The following TENM1 variants were observed in gnomAD, a reference collection of about 807,000 sequenced individuals.
TENM1 encodes the protein teneurin transmembrane protein 1.
Under a neutral mutation model 174.8 loss-of-function variants are expected in TENM1, and 35 were observed. The observed-to-expected ratio is 0.20, with a 90% CI of 0.15 to 0.27. The LOEUF (loss-of-function observed/expected upper bound fraction) is 0.27, where lower values mean the gene tolerates loss of function less well. Among genes scored for constraint, TENM1 ranks in the 10% least tolerant of loss-of-function variants. The probability of loss-of-function intolerance (pLI) is 1.00; values close to 1 mark genes in which losing one functional copy is unlikely to be tolerated. For missense variants in TENM1, 1,633 were observed against 2,130.1 expected, an observed-to-expected ratio of 0.77 and a Z score of 4.59; for synonymous variants, 781 against 798.7, an observed-to-expected ratio of 0.98 and a Z score of 0.37.
chrX:124,842,401 C>T (rs1461705197), intron 3 of TENM1, among the ~76,000 whole-genome samples: 2 of 111,517 alleles, frequency 1.8e-5, no homozygotes, highest in Admixed American at 9.5e-5. Flanking sequence ...GCAGCAGGTT[C>T]CTTTGCTGAT....
intron 4 of TENM1, among the ~76,000 whole-genome samples, chrX:124,724,538 G>A (rs368909585): frequency 2.7e-5 from 3 of 112,069 alleles, no homozygotes; most frequent in Non-Finnish European, 5.6e-5. Context: ...GCTCACGCCT[G>A]TAATCCCAGC....
Position 124,519,789 on chromosome X carries a change from G to T in TENM1, c.3301+728C>A, listed in dbSNP as rs762991819. Among the ~76,000 whole-genome samples, 66 of 111,243 alleles carry T rather than the reference G, an allele frequency of 5.9e-4. 1 individual carries two copies. Among genetic ancestry groups the T allele is most frequent in the African/African-American group, 2.0e-3 (62 of 30,672 alleles). On this transcript the variant is annotated intron_variant, in intron 18 of 31. Transcript: ENST00000422452. Reference sequence around the variant, plus strand: ...AAACAGACTATTTTTTTTCTTTTCTGCTATTAAGGTATCCCTCATATATGA... The same window carrying T: ...AAACAGACTATTTTTTTTCTTTTCTTCTATTAAGGTATCCCTCATATATGA...
chrX:124,976,737 C>CTATTGTGTTA, the TENM1 span, among the ~76,000 whole-genome samples: 1 of 111,168 alleles, frequency 9.0e-6, no homozygotes, highest in Non-Finnish European at 1.9e-5. Context: ...ACAATTCCCC[C>CTATTGTGTTA]TACCTACCCT....
At chrX:124,417,587 T>G (rs1353419285) in intron 25 of TENM1, among the ~76,000 whole-genome samples, 3 of 111,219 alleles carry the variant, frequency 2.7e-5, no homozygotes, top group Non-Finnish European at 5.7e-5. Context: ...TACACTCACT[T>G]TCATGGAGAG....
Position 124,963,790 on chromosome X carries a change from A to ACTTCCTCATCCTTT in TENM1, c.-38_-37insAAAGGATGAGGAAG. 1 of 1,109,837 alleles carries ACTTCCTCATCCTTT rather than the reference A, an allele frequency of 9.0e-7. No individual in the cohort carries two copies. Among genetic ancestry groups the ACTTCCTCATCCTTT allele is most frequent in the Non-Finnish European group, 1.2e-6 (1 of 806,416 alleles). The allele number at this position is 1,109,837 out of a possible 1,213,427, so 91.5% of individuals were successfully genotyped here. On this transcript the variant is annotated 5_prime_UTR_variant, in exon 1 of 32. It adds an upstream start codon to the 5' untranslated region. Coordinates refer to ENST00000422452, the Ensembl canonical transcript of TENM1. The stretch of plus-strand genomic sequence containing the variant: ...CAAGCTCAGTTTCATGAAAAAAAGG[A>ACTTCCTCATCCTTT]TGAGGAAGTCCTTTAATGCAAGCAG...
At chrX:125,122,055 C>G in the TENM1 span, among the ~76,000 whole-genome samples, 1 of 111,943 alleles carries the variant, frequency 8.9e-6, no homozygotes, top group Non-Finnish European at 1.9e-5. Context: ...GCCTGGGTAA[C>G]AGAGTAAGGC....
At chrX:124,495,259 G>T (rs1197905732) in intron 20 of TENM1, among the ~76,000 whole-genome samples, 4 of 104,690 alleles carry the variant, frequency 3.8e-5, no homozygotes, top group African/African-American at 1.0e-4. Context: ...TTCTCTGATG[G>T]CCAGTGATGG....
At chrX:124,405,332 C>T in intron 26 of TENM1, 66 bp from the exon 30 acceptor site, 1 of 983,514 alleles carries the variant, frequency 1.0e-6, no homozygotes, top group South Asian at 2.1e-5. Context: ...AGAAAAGAGA[C>T]AGGTTTAGTT....
At position 124,708,487 on chromosome X, in the gene TENM1, C is replaced by G. The variant is rs144216549; in HGVS notation, c.777-3236G>C. ...CTCAGGAAATGATGTGTATGACAAT[C>G]CATATAAGAAGCCATTCATTGCAAT... On this transcript the variant is annotated intron_variant, in intron 4 of 31. Transcript: ENST00000422452. 4.4e-3 allele frequency among the ~76,000 whole-genome samples: 494 copies of G among 111,272 alleles called. 2 individuals carry two copies. Among genetic ancestry groups the G allele is most frequent in the African/African-American group, 0.016 (482 of 30,676 alleles).
chrX:124,583,312 C>A (rs867613979), intron 11 of TENM1, among the ~76,000 whole-genome samples: 4 of 111,257 alleles, frequency 3.6e-5, no homozygotes, highest in African/African-American at 6.6e-5. Flanking sequence ...ACATCTCACA[C>A]GGCCGGGTAC....
chrX:124,808,793 A>G (rs1165404388), intron 3 of TENM1, among the ~76,000 whole-genome samples: 1 of 112,050 alleles, frequency 8.9e-6, no homozygotes, highest in Non-Finnish European at 1.9e-5. Flanking sequence ...AAATGGAAGC[A>G]TGAAACATAG....
intron 23 of TENM1, among the ~76,000 whole-genome samples, chrX:124,431,653 G>T (rs752463773): frequency 2.9e-3 from 324 of 112,218 alleles, no homozygotes; most frequent in African/African-American, 9.8e-3. Context: ...AGAAAGTTTG[G>T]TTTTTTGCAC....
chrX:124,713,839 C>T (rs1353394104), intron 4 of TENM1, among the ~76,000 whole-genome samples: 3 of 111,736 alleles, frequency 2.7e-5, no homozygotes, highest in Admixed American at 1.9e-4. Flanking sequence ...GTTCTATTTG[C>T]GGGCAAATAT....
At chrX:124,391,558 C>T (rs1343472535) in intron 28 of TENM1, among the ~76,000 whole-genome samples, 1 of 111,332 alleles carries the variant, frequency 9.0e-6, no homozygotes, top group African/African-American at 3.3e-5. Flanking sequence ...ACCAATGAGG[C>T]CCCACTACCA....
intron 4 of TENM1, among the ~76,000 whole-genome samples, chrX:124,724,368 A>G (rs1388238887): frequency 8.9e-6 from 1 of 112,449 alleles, no homozygotes; most frequent in East Asian, 2.8e-4. Flanking sequence ...GAAGTTTTTG[A>G]GGGCAAATAT....
intron 4 of TENM1, among the ~76,000 whole-genome samples, chrX:124,733,321 G>A: frequency 8.9e-6 from 1 of 112,511 alleles, no homozygotes; most frequent in Non-Finnish European, 1.9e-5. Flanking sequence ...GTTGTTTGAG[G>A]TAGAGTGGAA....
chrX:124,578,959 CT>C (rs1305591050), intron 11 of TENM1, among the ~76,000 whole-genome samples: 1 of 112,251 alleles, frequency 8.9e-6, no homozygotes, highest in African/African-American at 3.2e-5. Flanking sequence ...TGTCCATCTT[CT>C]TTCACCAATT....
At chrX:124,825,949 G>C (rs886155640) in intron 3 of TENM1, among the ~76,000 whole-genome samples, 1 of 111,949 alleles carries the variant, frequency 8.9e-6, no homozygotes, top group African/African-American at 3.2e-5. Context: ...ATACACTATC[G>C]GTTGTAACAT....
At chrX:124,545,935 G>A (rs2048419159) in intron 15 of TENM1, among the ~76,000 whole-genome samples, 2 of 112,008 alleles carry the variant, frequency 1.8e-5, no homozygotes, top group African/African-American at 3.3e-5. Flanking sequence ...CAACTGAAGG[G>A]AAGGGAGTTG....
Sources: allele counts gnomAD v4.1 joint callset (sites outside exome capture counted in the v4.1 genomes callset), GRCh38; gene constraint gnomAD v4.1.1; transcripts MANE v1.5; gene names NCBI Gene and HGNC (gene_info 2026-07-23, HGNC 2026-07-21).